Variants in ADGB observed in about 807,000 individuals in gnomAD.
The protein encoded by ADGB is calpain-7-like protein.
ADGB carries 172 observed loss-of-function variants against 210.5 expected under a neutral mutation model. The observed-to-expected ratio is 0.82, with a 90% CI of 0.72 to 0.93. ADGB has a LOEUF of 0.93. Among genes scored for constraint, ADGB ranks in the 40% least tolerant of loss-of-function variants. The pLI, the probability that ADGB is intolerant of heterozygous loss-of-function variation, is 0.00. For synonymous variants in ADGB, 658 were observed against 662.7 expected, an observed-to-expected ratio of 0.99 and a Z score of 0.11; for missense variants, 2,025 against 1,964.8, an observed-to-expected ratio of 1.03 and a Z score of -0.58.
At chr6:146,807,013 T>A (rs1200229104) in intron 35 of ADGB, among the ~76,000 whole-genome samples, 1 of 152,230 alleles carries the variant, frequency 6.6e-6, no homozygotes, top group African/African-American at 2.4e-5. Flanking sequence ...ATAGCTCATA[T>A]ATTTTGTCAA....
chr6:146,643,661 G>A (rs1177443439), intron 2 of ADGB, among the ~76,000 whole-genome samples: 1 of 151,746 alleles, frequency 6.6e-6, no homozygotes, highest in Non-Finnish European at 1.5e-5. Context: ...TGAATTAATT[G>A]CATTCTTGGG....
At chr6:146,766,786 A>C (rs970915061) in intron 28 of ADGB, among the ~76,000 whole-genome samples, 1 of 152,178 alleles carries the variant, frequency 6.6e-6, no homozygotes, top group Non-Finnish European at 1.5e-5. Context: ...AAGGTAACAC[A>C]AAAAGGAATA....
intron 1 of ADGB, among the ~76,000 whole-genome samples, chr6:146,615,022 TC>T (rs201987040): frequency 0.013 from 2,031 of 151,868 alleles, 47 homozygotes; most frequent in African/African-American, 0.045. Context: ...TGCCTCAGCC[TC>T]CCGAGTAGCT....
intron 33 of ADGB, among the ~76,000 whole-genome samples, chr6:146,800,322 G>C (rs998196318): frequency 6.6e-6 from 1 of 152,102 alleles, no homozygotes; most frequent in Non-Finnish European, 1.5e-5. Context: ...CAAATCTGTA[G>C]AGACATAAGT....
chr6:146,689,546 C>T (rs1435887212), intron 10 of ADGB, among the ~76,000 whole-genome samples: 1 of 151,902 alleles, frequency 6.6e-6, no homozygotes, highest in African/African-American at 2.4e-5. Context: ...TTTTCTAATG[C>T]TCTACGGTCT....
Position 146,700,952 on chromosome 6 carries a change from G to C in ADGB, c.1589G>C (p.Arg530Pro), listed in dbSNP as rs775115322. The C allele has an allele frequency of 1.3e-6, 2 of 1,549,406 alleles. No homozygotes were observed. The highest frequency in any genetic ancestry group is 1.7e-6 in the Non-Finnish European group (2 of 1,145,876). ...TGTTTTCCTTTTAGGCATTTTGTGC[G>C]CTCCTTAATTAAGAAAGGAATACCT... ...FTIPTEMHFV[R>P]SLIKKGIPPG... The change falls in exon 13 of 36, where the codon CGC becomes CCC. Residue 530 changes from arginine (R) to proline (P), a missense_variant. Physicochemically the swap from Arg to Pro is moderately radical, Grantham distance 103. Coordinates refer to ENST00000397944, the MANE Select transcript of ADGB (RefSeq NM_024694.4).
At chr6:146,647,162 AC>A (rs35300214) in intron 3 of ADGB, among the ~76,000 whole-genome samples, 1 of 134,940 alleles carries the variant, frequency 7.4e-6, no homozygotes, top group African/African-American at 2.5e-5. Flanking sequence ...AACAAAAAAA[AC>A]CAGATTCCTG....
intron 29 of ADGB, among the ~76,000 whole-genome samples, chr6:146,772,802 T>A (rs568204204): frequency 9.2e-4 from 139 of 151,744 alleles, no homozygotes; most frequent in African/African-American, 3.0e-3. Flanking sequence ...GAAAAAAAAA[T>A]GACACCTTGA....
chr6:146,746,139 A>G, intron 26 of ADGB, 30 bp downstream of exon 26: 2 of 1,403,050 alleles, frequency 1.4e-6, no homozygotes, highest in Non-Finnish European at 1.9e-6. Context: ...GGGGAAAGGC[A>G]TTTTTTAAAA....
At chr6:146,814,369 G>A (rs1439372236) in intron 35 of ADGB, among the ~76,000 whole-genome samples, 2 of 152,164 alleles carry the variant, frequency 1.3e-5, no homozygotes, top group Non-Finnish European at 2.9e-5. Flanking sequence ...AAGGAGAAAA[G>A]GAGAAATCAG....
At chr6:146,765,398 C>A (rs1373537380) in intron 28 of ADGB, among the ~76,000 whole-genome samples, 1 of 151,712 alleles carries the variant, frequency 6.6e-6, no homozygotes, top group Non-Finnish European at 1.5e-5. Flanking sequence ...ATATGGAACA[C>A]TTTACCCAAT....
At chr6:146,757,049 T>C (rs1009827919) in intron 27 of ADGB, among the ~76,000 whole-genome samples, 3 of 151,980 alleles carry the variant, frequency 2.0e-5, no homozygotes, top group Non-Finnish European at 4.4e-5. Flanking sequence ...CCTGTAATGA[T>C]TTACCCATAA....
At chr6:146,600,967 A>C (rs1027709617) in intron 1 of ADGB, among the ~76,000 whole-genome samples, 11 of 143,954 alleles carry the variant, frequency 7.6e-5, no homozygotes, top group African/African-American at 2.3e-4. Flanking sequence ...CACACACACA[A>C]ATAACTAAGT....
At chr6:146,610,339 C>T (rs1045927928) in intron 1 of ADGB, among the ~76,000 whole-genome samples, 20 of 152,138 alleles carry the variant, frequency 1.3e-4, no homozygotes, top group Admixed American at 1.3e-4. Flanking sequence ...CTATGTCTGT[C>T]ATTTCAGTCA....
intron 28 of ADGB, among the ~76,000 whole-genome samples, chr6:146,767,721 C>G (rs763469372): frequency 4.1e-5 from 6 of 146,102 alleles, no homozygotes; most frequent in Non-Finnish European, 7.8e-5. Context: ...GTGACCCACC[C>G]ACCTCAGCCT....
chr6:146,697,419 T>C (rs1776420939), intron 12 of ADGB, among the ~76,000 whole-genome samples: 1 of 152,142 alleles, frequency 6.6e-6, no homozygotes, highest in Non-Finnish European at 1.5e-5. Flanking sequence ...TATCCTTCAA[T>C]AGAGTGGTGA....
At chr6:146,653,986 T>C (rs1032727907) in intron 3 of ADGB, 149 bp from the exon 4 acceptor site, 21 of 402,482 alleles carry the variant, frequency 5.2e-5, no homozygotes, top group Non-Finnish European at 9.5e-5. Context: ...GAGTTATTTA[T>C]ATCCTACTGC....
chr6:146,806,223 C>G (rs1778209678), intron 35 of ADGB, among the ~76,000 whole-genome samples: 1 of 152,148 alleles, frequency 6.6e-6, no homozygotes, highest in Non-Finnish European at 1.5e-5. Flanking sequence ...TGAGTTCACT[C>G]CCATTCATTT....
At chr6:146,770,675 C>G (rs988786408) in intron 29 of ADGB, 26 of 442,982 alleles carry the variant, frequency 5.9e-5, no homozygotes, top group Non-Finnish European at 1.2e-4. Flanking sequence ...TGTGTTCAGG[C>G]TCAACGAGAA....
Sources: gnomAD v4.1 joint callset for allele counts (sites outside exome capture counted in the v4.1 genomes callset) on GRCh38, gnomAD v4.1.1 for gene constraint, MANE v1.5 for transcripts, NCBI Gene and HGNC (gene_info 2026-07-23, HGNC 2026-07-21) for gene names.